The following KLF13 variants were observed in gnomAD, a reference collection of about 807,000 sequenced individuals.
KLF13 encodes Krueppel-like factor 13.
In KLF13, 8 loss-of-function variants were observed where a neutral mutation model predicts 16.7. The observed-to-expected ratio is 0.48, with a 90% confidence interval of 0.28 to 0.87. The LOEUF is 0.87. Ranked by LOEUF, KLF13 falls within the 40% of genes least tolerant of loss-of-function variation. KLF13 has a pLI of 0.10. For synonymous variants in KLF13, 245 were observed against 208.4 expected, an observed-to-expected ratio of 1.18 and a Z score of -1.51; for missense variants, 447 against 452.2, an observed-to-expected ratio of 0.99 and a Z score of 0.10.
intron 1 of KLF13, among the ~76,000 whole-genome samples, chr15:31,364,170 CTG>C (rs2039429138): frequency 6.6e-6 from 1 of 152,076 alleles, no homozygotes; most frequent in African/African-American, 2.4e-5. Context: ...CTGGCTATTA[CTG>C]TGTGTTTTTC....
intron 1 of KLF13, among the ~76,000 whole-genome samples, chr15:31,418,945 A>G (rs1419607788): frequency 6.6e-6 from 1 of 152,204 alleles, no homozygotes; most frequent in East Asian, 1.9e-4. Flanking sequence ...CCCTGTCTCT[A>G]AAAATACATA....
intron 2 of KLF13, among the ~76,000 whole-genome samples, chr15:31,398,175 C>A (rs113608313): frequency 6.6e-6 from 1 of 152,160 alleles, no homozygotes; most frequent in African/African-American, 2.4e-5. Flanking sequence ...TGCTCCTGCT[C>A]GGGCGGGGCC....
At chr15:31,417,281 G>A (rs2040266295) in intron 1 of KLF13, among the ~76,000 whole-genome samples, 3 of 152,080 alleles carry the variant, frequency 2.0e-5, no homozygotes, top group Non-Finnish European at 2.9e-5. Context: ...GATCACTTGA[G>A]GTCAGGAGTT....
At chr15:31,363,796 TC>T (rs1340109339) in intron 1 of KLF13, among the ~76,000 whole-genome samples, 2 of 152,234 alleles carry the variant, frequency 1.3e-5, no homozygotes, top group African/African-American at 4.8e-5. Flanking sequence ...TTTAGTCTTT[TC>T]TTTTATGGTT....
At chr15:31,401,584 G>A (rs1404773521) in intron 2 of KLF13, among the ~76,000 whole-genome samples, 1 of 152,224 alleles carries the variant, frequency 6.6e-6, no homozygotes, top group Non-Finnish European at 1.5e-5. Flanking sequence ...GCATTGAGTG[G>A]GGGCCACCTG....
intron 2 of KLF13, among the ~76,000 whole-genome samples, chr15:31,395,064 C>T (rs10851544): frequency 0.54 from 81,618 of 151,974 alleles, 22,972 homozygotes; most frequent in South Asian, 0.66. Flanking sequence ...ACTGCAACCT[C>T]CACCTCCTGG....
At chr15:31,409,740 A>G (rs1036663485) in intron 1 of KLF13, among the ~76,000 whole-genome samples, 3 of 152,228 alleles carry the variant, frequency 2.0e-5, no homozygotes, top group African/African-American at 7.2e-5. Context: ...TGTTTAAACT[A>G]CAGAAAGACA....
intron 1 of KLF13, among the ~76,000 whole-genome samples, chr15:31,362,646 G>T (rs1195681759): frequency 1.3e-5 from 2 of 152,196 alleles, no homozygotes; most frequent in African/African-American, 4.8e-5. Flanking sequence ...AAATGCATTT[G>T]TGTGTTTTAG....
At chr15:31,397,075 G>T (rs1372879723) in intron 2 of KLF13, among the ~76,000 whole-genome samples, 1 of 151,944 alleles carries the variant, frequency 6.6e-6, no homozygotes, top group Non-Finnish European at 1.5e-5. Flanking sequence ...GAGCCCAGAG[G>T]ACACTTTCCG....
chr15:31,364,215 C>A (rs573973933), intron 1 of KLF13, among the ~76,000 whole-genome samples: 1 of 152,212 alleles, frequency 6.6e-6, no homozygotes, highest in East Asian at 1.9e-4. Flanking sequence ...TTATCCTATT[C>A]GAAAACAAAG....
chr15:31,365,503 G>A lies in KLF13; in HGVS notation c.578-6507G>A, dbSNP rs144940891. ...GCTGCTCTGGCCCCAGCTTGGTACCGGGCATTGGAAACATTGCAAAAATGA... is the reference window on the plus strand; with the variant it reads ...GCTGCTCTGGCCCCAGCTTGGTACCAGGCATTGGAAACATTGCAAAAATGA... On this transcript the variant is annotated intron_variant, in intron 1 of 1. Coordinates refer to ENST00000307145, the MANE Select transcript of KLF13 (RefSeq NM_015995.4). Among the ~76,000 whole-genome samples the A allele has an allele frequency of 1.5e-3, 234 of 152,144 alleles. 2 individuals carry two copies. The highest frequency in any genetic ancestry group is 5.2e-3 in the African/African-American group (216 of 41,486).
chr15:31,342,258 T>A (rs2039037804), intron 1 of KLF13, among the ~76,000 whole-genome samples: 1 of 152,106 alleles, frequency 6.6e-6, no homozygotes, highest in African/African-American at 2.4e-5. Flanking sequence ...GCCATGCTAG[T>A]CCTGCCGAGT....
In KLF13 at chr15:31,333,952, T is replaced by TG. The variant is rs56234722; in HGVS notation, c.577+6172dup. On this transcript the variant is annotated intron_variant, in intron 1 of 1. Transcript: ENST00000307145. Reference sequence around the variant, plus strand: ...GATACTGGGCACTTCCATCGCCTCATGGGGGGGGGAGGGCATGGGATATTA... The same window carrying TG: ...GATACTGGGCACTTCCATCGCCTCATGGGGGGGGGGAGGGCATGGGATATTA... 4.0e-3 allele frequency among the ~76,000 whole-genome samples: 600 copies of TG among 151,086 alleles called. 1 individual carries two copies. The highest frequency in any genetic ancestry group is 0.01 in the African/African-American group (427 of 41,184).
chr15:31,345,366 G>C (rs28510484), intron 1 of KLF13, among the ~76,000 whole-genome samples: 18,564 of 152,224 alleles, frequency 0.12, 1,455 homozygotes, highest in Middle Eastern at 0.18. Context: ...GTGCTGCTCT[G>C]GGGGCCTGGA....
intron 2 of KLF13, among the ~76,000 whole-genome samples, chr15:31,401,505 C>G (rs538357660): frequency 6.6e-6 from 1 of 152,328 alleles, no homozygotes; most frequent in Admixed American, 6.5e-5. Context: ...GTGCCTAAGG[C>G]TTGCATCCCG....
chr15:31,387,096 A>T (rs2039803961), intron 1 of KLF13, among the ~76,000 whole-genome samples: 1 of 152,264 alleles, frequency 6.6e-6, no homozygotes, highest in Non-Finnish European at 1.5e-5. Context: ...CAAAGGATTT[A>T]GAATATTCCA....
chr15:31,346,638 G>A (rs1019376571), intron 1 of KLF13, among the ~76,000 whole-genome samples: 3 of 152,228 alleles, frequency 2.0e-5, no homozygotes, highest in Admixed American at 6.5e-5. Context: ...TGACTTCTGT[G>A]TCACACAGCA....
chr15:31,378,834 C>T (rs907728806), downstream of KLF13, among the ~76,000 whole-genome samples: 11 of 152,206 alleles, frequency 7.2e-5, no homozygotes, highest in African/African-American at 2.7e-4. Flanking sequence ...ATTCTTCTGC[C>T]TCAGCTTCCT....
intron 2 of KLF13, among the ~76,000 whole-genome samples, chr15:31,396,791 T>C (rs1187033174): frequency 1.3e-5 from 2 of 152,212 alleles, no homozygotes; most frequent in African/African-American, 4.8e-5. Context: ...TTTTGGCTAA[T>C]TTATTAGTCC....
Sources: allele counts gnomAD v4.1 joint callset (sites outside exome capture counted in the v4.1 genomes callset), GRCh38; gene constraint gnomAD v4.1.1; transcripts MANE v1.5; gene names NCBI Gene and HGNC (gene_info 2026-07-23, HGNC 2026-07-21).